AGBL1: variants seen among roughly 807,000 people sequenced by gnomAD.
The protein encoded by AGBL1 is cytosolic carboxypeptidase 4.
In AGBL1, 130 loss-of-function variants were observed where a neutral mutation model predicts 118.9. The ratio of observed to expected loss-of-function variants is 1.09; its 90% CI spans 0.95 to 1.26. The LOEUF is 1.26. Ranked by LOEUF, AGBL1 falls within the 50% of genes most tolerant of loss-of-function variation. The pLI is 0.00. For missense variants in AGBL1, 1,584 were observed against 1,298.1 expected, an observed-to-expected ratio of 1.22 and a Z score of -3.38; for synonymous variants, 555 against 478.9, an observed-to-expected ratio of 1.16 and a Z score of -2.08.
intron 22 of AGBL1, among the ~76,000 whole-genome samples, chr15:86,696,287 G>T (rs983381998): frequency 8.6e-5 from 13 of 151,878 alleles, no homozygotes. Context: ...CTATATTTAG[G>T]ATTGTGATAT....
At chr15:87,028,771 A>G (rs1254202415) in intron 24 of AGBL1, 3 of 1,561,252 alleles carry the variant, frequency 1.9e-6, no homozygotes, top group African/African-American at 1.4e-5. Flanking sequence ...GGCACAAACC[A>G]GAAGTTACAC....
chr15:86,179,608 T>A (rs1722288888), intron 5 of AGBL1, among the ~76,000 whole-genome samples: 1 of 152,068 alleles, frequency 6.6e-6, no homozygotes, highest in South Asian at 2.1e-4. Flanking sequence ...TACTTCATGG[T>A]TAAAAGACTG....
chr15:86,246,544 G>A (rs927546449), intron 6 of AGBL1, among the ~76,000 whole-genome samples: 2 of 152,140 alleles, frequency 1.3e-5, no homozygotes, highest in Non-Finnish European at 2.9e-5. Flanking sequence ...TGTCCATTGG[G>A]TTTTACTGTG....
At chr15:86,735,902 C>T (rs11073660) in intron 22 of AGBL1, among the ~76,000 whole-genome samples, 27,770 of 151,846 alleles carry the variant, frequency 0.18, 2,886 homozygotes, top group African/African-American at 0.29. Flanking sequence ...AAATGAGATA[C>T]GACTTTTATG....
At chr15:86,120,603 T>G (rs1898037600) in intron 1 of AGBL1, among the ~76,000 whole-genome samples, 1 of 152,198 alleles carries the variant, frequency 6.6e-6, no homozygotes, top group Non-Finnish European at 1.5e-5. Context: ...CTTTTCTGTT[T>G]GTGTGTCTGT....
At chr15:86,922,205 T>C (rs1271548165) in intron 23 of AGBL1, among the ~76,000 whole-genome samples, 2 of 152,230 alleles carry the variant, frequency 1.3e-5, no homozygotes, top group African/African-American at 2.4e-5. Context: ...TTAATATTAT[T>C]AGTAATAGTA....
At chr15:86,241,099 G>T (rs2078634657) in intron 6 of AGBL1, among the ~76,000 whole-genome samples, 1 of 152,174 alleles carries the variant, frequency 6.6e-6, no homozygotes, top group Non-Finnish European at 1.5e-5. Flanking sequence ...GCGTAAAGAG[G>T]AGTGTTTCAT....
intron 5 of AGBL1, among the ~76,000 whole-genome samples, chr15:86,181,491 T>C (rs2077552359): frequency 6.6e-6 from 1 of 151,960 alleles, no homozygotes; most frequent in Non-Finnish European, 1.5e-5. Context: ...GGAAGATGAA[T>C]GGCTGTCTGG....
rs2080357085 is a variant in AGBL1, at chr15:86,911,899, A to G, written c.*4605A>G. On this transcript the variant is annotated 3_prime_UTR_variant, in exon 23 of 23. Transcript: ENST00000614907. Reference sequence around the variant, plus strand: ...ACTATGCTTATTTTTAACTTGATAAATATGTCTTTTATACCCACACCCCCA... The same window carrying G: ...ACTATGCTTATTTTTAACTTGATAAGTATGTCTTTTATACCCACACCCCCA... The G allele has an allele frequency of 6.6e-6, 1 of 152,094 alleles. No homozygotes were observed. Among genetic ancestry groups the G allele is most frequent in the Non-Finnish European group, 1.5e-5 (1 of 68,038 alleles). The allele number at this position is 152,094 out of a possible 1,614,324, so 9.4% of individuals were successfully genotyped here.
intron 21 of AGBL1, among the ~76,000 whole-genome samples, chr15:86,642,572 T>A (rs984589415): frequency 1.7e-4 from 25 of 149,436 alleles, no homozygotes; most frequent in Admixed American, 1.6e-3. Context: ...CATGCAACTT[T>A]TGTCTTCTGA....
At chr15:86,370,237 TG>T (rs1313652177) in intron 17 of AGBL1, among the ~76,000 whole-genome samples, 1 of 152,004 alleles carries the variant, frequency 6.6e-6, no homozygotes, top group African/African-American at 2.4e-5. Context: ...GTAAATCATG[TG>T]TCTTGGAGTG....
At chr15:86,438,269 A>C (rs987636218) in intron 18 of AGBL1, among the ~76,000 whole-genome samples, 1 of 152,144 alleles carries the variant, frequency 6.6e-6, no homozygotes, top group Non-Finnish European at 1.5e-5. Flanking sequence ...AGGCAGGCTA[A>C]ACTAGGTAAG....
At chr15:86,331,243 CA>C (rs1341878895) in intron 17 of AGBL1, among the ~76,000 whole-genome samples, 1 of 122,200 alleles carries the variant, frequency 8.2e-6, no homozygotes, top group African/African-American at 3.0e-5. Flanking sequence ...AAAAAAAAAA[CA>C]AAGTCTGAGA....
At chr15:86,623,939 G>A (rs1414523614) in intron 21 of AGBL1, among the ~76,000 whole-genome samples, 1 of 152,190 alleles carries the variant, frequency 6.6e-6, no homozygotes, top group Non-Finnish European at 1.5e-5. Flanking sequence ...GTCTGACACT[G>A]CTGTGCTAAA....
Position 86,266,475 on chromosome 15 carries a change from T to C in AGBL1, c.1751+18T>C. 6.5e-7 allele frequency: 1 copy of C among 1,537,028 alleles called. No individual in the cohort carries two copies. The highest frequency in any genetic ancestry group is 8.8e-7 in the Non-Finnish European group (1 of 1,132,212). On this transcript the variant is annotated intron_variant, in intron 12 of 22. Coordinates refer to ENST00000614907, the MANE Select transcript of AGBL1 (RefSeq NM_001386094.1). ...GAGCCTTGGTAGGTAGTCTCGTGCA[T>C]CTGAGGAAGGTGGGGCATGGAGAAT...
chr15:86,711,203 C>T (rs766961604), intron 22 of AGBL1, among the ~76,000 whole-genome samples: 18 of 152,176 alleles, frequency 1.2e-4, no homozygotes, highest in South Asian at 2.1e-4. Context: ...TCTGTAAATA[C>T]CTGTCCAAGA....
At chr15:86,274,680 T>C (rs1466341277) in intron 15 of AGBL1, among the ~76,000 whole-genome samples, 1 of 152,204 alleles carries the variant, frequency 6.6e-6, no homozygotes. Flanking sequence ...GTGTTTTTCA[T>C]ACTCCAGCCC....
intron 16 of AGBL1, among the ~76,000 whole-genome samples, chr15:86,291,535 A>G (rs1318867518): frequency 1.3e-5 from 2 of 152,222 alleles, no homozygotes; most frequent in Non-Finnish European, 2.9e-5. Flanking sequence ...TTACTTATCC[A>G]TAAGAAAGAA....
At chr15:86,786,773 T>C (rs1470390993) in intron 22 of AGBL1, among the ~76,000 whole-genome samples, 3 of 152,182 alleles carry the variant, frequency 2.0e-5, no homozygotes, top group Non-Finnish European at 4.4e-5. Context: ...ATCTAGCCCT[T>C]TAGTTTTGTT....
Sources: allele counts gnomAD v4.1 joint callset (sites outside exome capture counted in the v4.1 genomes callset), GRCh38; gene constraint gnomAD v4.1.1; transcripts MANE v1.5; gene names NCBI Gene and HGNC (gene_info 2026-07-23, HGNC 2026-07-21).